SH3D19: variants seen among roughly 807,000 people sequenced by gnomAD.
The protein encoded by SH3D19 is SH3 domain containing 19.
Under a neutral mutation model 112.1 loss-of-function variants are expected in SH3D19, and 58 were observed. That is an observed-to-expected ratio of 0.52 (90% CI 0.42 to 0.64). The LOEUF is 0.64. Ranked by LOEUF, SH3D19 falls within the 30% of genes least tolerant of loss-of-function variation. The pLI, the probability that SH3D19 is intolerant of heterozygous loss-of-function variation, is 0.00. For synonymous variants in SH3D19, 391 were observed against 448.5 expected (o/e 0.87, Z 1.62); for missense variants, 1,090 against 1,263.4 (o/e 0.86, Z 2.08).
At chr4:151,127,588 A>T in intron 19 of SH3D19, 30 bp downstream of exon 19, 1 of 1,318,128 alleles carries the variant, frequency 7.6e-7, no homozygotes, top group Non-Finnish European at 1.1e-6. Context: ...ATAGTGCTTA[A>T]TGCAGTTATG....
intron 1 of SH3D19, among the ~76,000 whole-genome samples, chr4:151,303,102 C>T (rs1310703415): frequency 6.6e-6 from 1 of 152,190 alleles, no homozygotes; most frequent in Non-Finnish European, 1.5e-5. Flanking sequence ...AGATGAAATA[C>T]ACACAATAAA....
At chr4:151,284,411 G>A (rs1774539784) in intron 1 of SH3D19, among the ~76,000 whole-genome samples, 1 of 151,940 alleles carries the variant, frequency 6.6e-6, no homozygotes. Flanking sequence ...ATGACCATTT[G>A]GTTTTATTCT....
chr4:151,236,198 G>A (rs555428486), intron 1 of SH3D19, among the ~76,000 whole-genome samples: 246 of 152,382 alleles, frequency 1.6e-3, no homozygotes, highest in Non-Finnish European at 2.9e-3. Flanking sequence ...CCTCTCTGGG[G>A]CTGGCCGAGG....
At chr4:151,236,960 G>C (rs1051160571) in intron 1 of SH3D19, among the ~76,000 whole-genome samples, 1 of 152,190 alleles carries the variant, frequency 6.6e-6, no homozygotes, top group African/African-American at 2.4e-5. Flanking sequence ...CCAGATAAGG[G>C]AATAAAAGCA....
chr4:151,149,608 AG>A, intron 9 of SH3D19, 47 bp from the exon 10 acceptor site: 1 of 1,557,838 alleles, frequency 6.4e-7, no homozygotes, highest in Non-Finnish European at 8.8e-7. Flanking sequence ...ATCTGAAACA[AG>A]AACTTGTCAA....
At chr4:151,282,177 G>A (rs1393223136) in intron 1 of SH3D19, 1 of 1,613,880 alleles carries the variant, frequency 6.2e-7, no homozygotes, top group Non-Finnish European at 8.5e-7. Context: ...TATACTGTGT[G>A]GCTAGGATCG....
intron 2 of SH3D19, among the ~76,000 whole-genome samples, chr4:151,189,758 C>G (rs1280138839): frequency 2.6e-5 from 4 of 151,976 alleles, no homozygotes; most frequent in Non-Finnish European, 5.9e-5. Flanking sequence ...TGTAAACTGC[C>G]CAGTCTCAGG....
At chr4:151,173,027 G>A (rs1029149638) in intron 7 of SH3D19, among the ~76,000 whole-genome samples, 2 of 152,166 alleles carry the variant, frequency 1.3e-5, no homozygotes, top group Non-Finnish European at 2.9e-5. Flanking sequence ...AAATGGAAAA[G>A]GCTGAGTATG....
intron 2 of SH3D19, among the ~76,000 whole-genome samples, chr4:151,197,808 C>T (rs1244388271): frequency 6.6e-6 from 1 of 152,038 alleles, no homozygotes; most frequent in Admixed American, 6.6e-5. Context: ...ATATTTTAAG[C>T]ATCTGAAAAT....
chr4:151,176,889 T>C lies in SH3D19; in HGVS notation c.303A>G (p.Pro101=). ...ATGTAGGAAATCCCAGTCCTGGGGG[T>C]GGGGTTCCTGGAAACCACGAGGCTG... ...LRPASWFPGT[P]PPGLGFPTSS... Residue 101 remains proline, a synonymous_variant, in exon 5 of 20, where the codon CCA becomes CCG. Transcript: ENST00000604030. The C allele has an allele frequency of 8.1e-7, 1 of 1,232,054 alleles. No homozygotes were observed. The highest frequency in any genetic ancestry group is 1.0e-6 in the Non-Finnish European group (1 of 987,952). 76.3% of individuals were successfully genotyped at this position (1,232,054 alleles called of 1,614,324 possible).
chr4:151,154,902 C>T (rs1424545078), intron 9 of SH3D19, among the ~76,000 whole-genome samples: 1 of 151,758 alleles, frequency 6.6e-6, no homozygotes, highest in Non-Finnish European at 1.5e-5. Context: ...GGATTACAGG[C>T]ACGCATCACC....
chr4:151,289,206 C>T (rs1775100163), intron 1 of SH3D19, among the ~76,000 whole-genome samples: 1 of 152,158 alleles, frequency 6.6e-6, no homozygotes, highest in Non-Finnish European at 1.5e-5. Flanking sequence ...AACTTGGACC[C>T]TGACCTCGCC....
intron 19 of SH3D19, among the ~76,000 whole-genome samples, chr4:151,127,043 G>A (rs1187828280): frequency 2.0e-5 from 3 of 151,626 alleles, no homozygotes; most frequent in African/African-American, 7.3e-5. Flanking sequence ...CTCAGTAGCT[G>A]GGATTACAGG....
chr4:151,203,572 G>A (rs1024333027), intron 2 of SH3D19, among the ~76,000 whole-genome samples: 2 of 152,272 alleles, frequency 1.3e-5, no homozygotes, highest in East Asian at 3.9e-4. Flanking sequence ...GGGGATGCCA[G>A]CCCCACCAAC....
rs778650101 is a variant in SH3D19, at chr4:151,122,221, G to A, written c.3028-14C>T. 1 of 1,437,128 alleles carries A rather than the reference G, an allele frequency of 7.0e-7. No individual in the cohort carries two copies. The highest frequency in any genetic ancestry group is 2.3e-5 in the East Asian group (1 of 44,072). 89.0% of individuals were successfully genotyped at this position (1,437,128 alleles called of 1,614,324 possible). A position where few individuals can be genotyped will look rare whatever the true frequency, so the allele number is the denominator to read the frequency against. On this transcript the variant is annotated splice_polypyrimidine_tract_variant and intron_variant, in intron 19 of 19. Transcript: ENST00000604030. ...TATATCTCCAGCCTGTAAGACAAAA[G>A]GAGTTAGAATTACTGGTTTCTGTTG...
chr4:151,238,985 TACTC>T (rs1770350731), intron 1 of SH3D19, among the ~76,000 whole-genome samples: 2 of 152,210 alleles, frequency 1.3e-5, no homozygotes, highest in South Asian at 4.1e-4. Flanking sequence ...TTCATTCTAT[TACTC>T]ACTGTGTAGA....
intron 1 of SH3D19, chr4:151,262,731 G>A (rs956459206): frequency 2.7e-5 from 4 of 150,146 alleles, no homozygotes; most frequent in African/African-American, 4.9e-5. Flanking sequence ...ATGAGATCCC[G>A]TGATGTGTCA....
chr4:151,290,862 TTTTA>T lies in SH3D19; in HGVS notation c.112+34375_112+34378del, dbSNP rs1261891890. 2.0e-5 allele frequency among the ~76,000 whole-genome samples: 3 copies of T among 152,328 alleles called. No individual in the cohort carries two copies. In the East Asian group the frequency reaches 5.8e-4, roughly 29 times the overall value. ...TTTAGTGAAAAAATCATCTCATTAG[TTTTA>T]TTTCTCTTTTTATCACAGACAAATA... On this transcript the variant is annotated intron_variant, in intron 1 of 19. Transcript: ENST00000604030.
chr4:151,278,138 C>T (rs979226348), intron 1 of SH3D19, among the ~76,000 whole-genome samples: 1 of 152,174 alleles, frequency 6.6e-6, no homozygotes, highest in Non-Finnish European at 1.5e-5. Flanking sequence ...TTCAGTTAAA[C>T]CAAATAGCAC....
Sources: allele counts gnomAD v4.1 joint callset (sites outside exome capture counted in the v4.1 genomes callset), GRCh38; gene constraint gnomAD v4.1.1; transcripts MANE v1.5; gene names NCBI Gene and HGNC (gene_info 2026-07-23, HGNC 2026-07-21).